KCNN2: variants seen among roughly 807,000 people sequenced by gnomAD.
KCNN2 encodes the protein potassium calcium-activated channel subfamily N member 2.
A neutral mutation model predicts 55.5 loss-of-function variants in KCNN2; 24 were observed. The ratio of observed to expected loss-of-function variants is 0.43; its 90% CI spans 0.31 to 0.61. The LOEUF is 0.61. Ranked by LOEUF, KCNN2 falls within the 20% of genes least tolerant of loss-of-function variation. The pLI, the probability that KCNN2 is intolerant of heterozygous loss-of-function variation, is 0.08. For missense variants in KCNN2, 754 were observed against 853.6 expected (o/e 0.88, Z 1.45); for synonymous variants, 431 against 336.1 (o/e 1.28, Z -3.09).
intron 1 of KCNN2, among the ~76,000 whole-genome samples, chr5:114,121,470 C>T (rs61684041): frequency 0.21 from 32,362 of 152,042 alleles, 3,581 homozygotes; most frequent in East Asian, 0.33. Flanking sequence ...GCCATGTATA[C>T]GGACCTATAT....
intron 2 of KCNN2, among the ~76,000 whole-genome samples, chr5:114,328,050 A>T (rs1756744435): frequency 6.6e-6 from 1 of 152,186 alleles, no homozygotes; most frequent in African/African-American, 2.4e-5. Context: ...AGTAAATGTT[A>T]TGTACTTTAT....
In KCNN2 at chr5:114,354,113, C is replaced by T. The variant is rs557111343; in HGVS notation, c.-184-6832C>T. 1.8e-3 allele frequency among the ~76,000 whole-genome samples: 275 copies of T among 151,700 alleles called. 1 individual carries two copies. The highest frequency in any genetic ancestry group is 6.1e-3 in the African/African-American group (253 of 41,378). On this transcript the variant is annotated intron_variant, in intron 2 of 10. Coordinates refer to the KCNN2 transcript ENST00000512097. ...TGCTGGGGGTTTTCTTATTATTATGCTTTCTTTTCTCTGTTCTTCAGATTG... is the reference window on the plus strand; with the variant it reads ...TGCTGGGGGTTTTCTTATTATTATGTTTTCTTTTCTCTGTTCTTCAGATTG...
intron 1 of KCNN2, among the ~76,000 whole-genome samples, chr5:114,220,844 A>G (rs899172838): frequency 2.4e-4 from 37 of 151,852 alleles, no homozygotes; most frequent in Middle Eastern, 3.4e-3. Context: ...AAAAAAAAAA[A>G]AGTTAAAGTC....
chr5:114,293,150 G>A (rs1343629935), intron 2 of KCNN2, among the ~76,000 whole-genome samples: 1 of 152,200 alleles, frequency 6.6e-6, no homozygotes, highest in East Asian at 1.9e-4. Context: ...GGGACAATTT[G>A]ACTTCCTCTT....
Position 114,493,261 on chromosome 5 carries a change from A to T in KCNN2, c.2019-142A>T. On this transcript the variant is annotated intron_variant, in intron 6 of 7. Coordinates refer to ENST00000673685, the MANE Select transcript of KCNN2 (RefSeq NM_021614.4). ...ATGCTTCTCATTGTACCAGACACATAACCAGTTTGGACTTACCCCAAATGT... is the reference window on the plus strand; with the variant it reads ...ATGCTTCTCATTGTACCAGACACATTACCAGTTTGGACTTACCCCAAATGT... The T allele has an allele frequency of 5.5e-6, 4 of 724,114 alleles. No individual in the cohort carries two copies. The South Asian group carries it at 5.8e-5, about 11-fold the overall frequency. The allele number at this position is 724,114 out of a possible 1,614,324, so 44.9% of individuals were successfully genotyped here. A position where few individuals can be genotyped will look rare whatever the true frequency, so the allele number is the denominator to read the frequency against.
At chr5:114,383,581 G>C (rs1758192889) in intron 2 of KCNN2, among the ~76,000 whole-genome samples, 1 of 147,758 alleles carries the variant, frequency 6.8e-6, no homozygotes, top group African/African-American at 2.5e-5. Flanking sequence ...CAATTCTCCT[G>C]CCTCCGCTTC....
At chr5:114,152,154 T>C (rs1752542314) in intron 1 of KCNN2, among the ~76,000 whole-genome samples, 1 of 152,154 alleles carries the variant, frequency 6.6e-6, no homozygotes, top group Non-Finnish European at 1.5e-5. Context: ...TAGTTCCAAT[T>C]ACCATTTTTT....
At chr5:114,192,460 T>G (rs1302145775) in intron 1 of KCNN2, among the ~76,000 whole-genome samples, 1 of 152,168 alleles carries the variant, frequency 6.6e-6, no homozygotes, top group Non-Finnish European at 1.5e-5. Flanking sequence ...TTGTTATTGT[T>G]TGAGAGCTTC....
intron 1 of KCNN2, among the ~76,000 whole-genome samples, chr5:114,184,906 T>C (rs910208836): frequency 2.6e-5 from 4 of 152,238 alleles, no homozygotes; most frequent in Non-Finnish European, 5.9e-5. Context: ...AACATGTCTG[T>C]GTATCATTTA....
At chr5:114,261,411 G>A (rs905550199) in intron 2 of KCNN2, among the ~76,000 whole-genome samples, 3 of 152,114 alleles carry the variant, frequency 2.0e-5, no homozygotes, top group African/African-American at 7.2e-5. Flanking sequence ...CCTTAGTTCA[G>A]GCACTGGGCA....
At chr5:114,462,989 C>T in intron 3 of KCNN2, 60 bp from the exon 4 acceptor site, 1 of 1,510,648 alleles carries the variant, frequency 6.6e-7, no homozygotes, top group Non-Finnish European at 9.0e-7. Context: ...AACCAAACCA[C>T]ACTTAACTAT....
intron 2 of KCNN2, among the ~76,000 whole-genome samples, chr5:114,247,058 C>T (rs1561539336): frequency 6.6e-6 from 1 of 151,484 alleles, no homozygotes; most frequent in African/African-American, 2.4e-5. Context: ...AATCCCAGCA[C>T]TTTGGGAGGC....
intron 2 of KCNN2, among the ~76,000 whole-genome samples, chr5:114,272,689 TTAATTGTA>T (rs1292333016): frequency 6.6e-6 from 1 of 152,162 alleles, no homozygotes; most frequent in Non-Finnish European, 1.5e-5. Context: ...ATATATATTT[TTAATTGTA>T]TTGCTGATAT....
intron 3 of KCNN2, among the ~76,000 whole-genome samples, chr5:114,459,869 T>G (rs1561397642): frequency 6.6e-6 from 1 of 152,166 alleles, no homozygotes. Flanking sequence ...AATTGAGTGA[T>G]TTAATGATGT....
intron 1 of KCNN2, among the ~76,000 whole-genome samples, chr5:114,120,314 G>A (rs1476956944): frequency 6.6e-6 from 1 of 152,126 alleles, no homozygotes; most frequent in African/African-American, 2.4e-5. Flanking sequence ...TTCTGGGGCT[G>A]TTGATTAATA....
At chr5:114,270,120 T>A (rs965542439) in intron 2 of KCNN2, among the ~76,000 whole-genome samples, 11 of 152,228 alleles carry the variant, frequency 7.2e-5, no homozygotes, top group Non-Finnish European at 1.3e-4. Flanking sequence ...ACTTTTCATT[T>A]CTATTGAGAC....
chr5:114,435,284 A>T (rs1424441100), intron 3 of KCNN2, among the ~76,000 whole-genome samples: 1 of 152,082 alleles, frequency 6.6e-6, no homozygotes, highest in East Asian at 1.9e-4. Context: ...TGTTCCAAGT[A>T]AGCTGTGGGT....
chr5:114,462,617 C>T (rs1408427356), intron 3 of KCNN2, among the ~76,000 whole-genome samples: 1 of 152,106 alleles, frequency 6.6e-6, no homozygotes, highest in Non-Finnish European at 1.5e-5. Context: ...GTCAGGAAAT[C>T]GAGGTAGCAA....
At chr5:114,190,067 A>G (rs949297504) in intron 1 of KCNN2, among the ~76,000 whole-genome samples, 1 of 152,152 alleles carries the variant, frequency 6.6e-6, no homozygotes, top group African/African-American at 2.4e-5. Flanking sequence ...AAAAATTGAT[A>G]ATTTGGCTTC....
Sources: allele counts gnomAD v4.1 joint callset (sites outside exome capture counted in the v4.1 genomes callset), GRCh38; gene constraint gnomAD v4.1.1; transcripts MANE v1.5; gene names NCBI Gene and HGNC (gene_info 2026-07-23, HGNC 2026-07-21).